Variants in NSMCE2 observed in about 807,000 individuals in gnomAD.
NSMCE2 encodes NSE2 SUMO ligase component of SMC5/6 complex.
Under a neutral mutation model 23.8 loss-of-function variants are expected in NSMCE2, and 24 were observed. The ratio of observed to expected loss-of-function variants is 1.01; its 90% CI spans 0.73 to 1.42. The LOEUF (loss-of-function observed/expected upper bound fraction) is 1.42, where lower values mean the gene tolerates loss of function less well. NSMCE2 is among the 40% of genes most tolerant of loss of function. The pLI is 0.00. For synonymous variants in NSMCE2, 92 were observed against 94.1 expected (o/e 0.98, Z 0.13); for missense variants, 284 against 296.5 (o/e 0.96, Z 0.31).
intron 5 of NSMCE2, among the ~76,000 whole-genome samples, chr8:125,334,312 G>A (rs1044648766): frequency 2.0e-5 from 3 of 152,154 alleles, no homozygotes; most frequent in Admixed American, 2.0e-4. Context: ...GTAGCACAGC[G>A]CTCCAGGCTG....
intron 3 of NSMCE2, among the ~76,000 whole-genome samples, chr8:125,125,157 A>G (rs964854422): frequency 1.3e-5 from 2 of 151,588 alleles, no homozygotes; most frequent in Admixed American, 6.6e-5. Flanking sequence ...TCCAATCTGG[A>G]TGCCCTTTAT....
chr8:125,116,474 G>C (rs1406428771), intron 3 of NSMCE2, among the ~76,000 whole-genome samples: 1 of 152,072 alleles, frequency 6.6e-6, no homozygotes, highest in Non-Finnish European at 1.5e-5. Context: ...ACTTATTTCT[G>C]TGTATAGGGA....
intron 5 of NSMCE2, among the ~76,000 whole-genome samples, chr8:125,261,663 T>C (rs1378147479): frequency 6.6e-6 from 1 of 151,370 alleles, no homozygotes; most frequent in African/African-American, 2.4e-5. Flanking sequence ...TAAGATTTCA[T>C]AACCAAGGGA....
At chr8:125,201,913 C>T (rs1215296006) in intron 5 of NSMCE2, among the ~76,000 whole-genome samples, 2 of 152,186 alleles carry the variant, frequency 1.3e-5, no homozygotes, top group Non-Finnish European at 2.9e-5. Context: ...GACACCCCAC[C>T]GTCCCCCACC....
At chr8:125,153,056 CAAA>C (rs768246218) in intron 4 of NSMCE2, among the ~76,000 whole-genome samples, 2 of 47,454 alleles carry the variant, frequency 4.2e-5, no homozygotes, top group Non-Finnish European at 4.9e-5. Context: ...GACTCCGTCT[CAAA>C]AAAAAAAAAA....
intron 5 of NSMCE2, among the ~76,000 whole-genome samples, chr8:125,252,956 T>C (rs921374190): frequency 1.3e-5 from 2 of 152,238 alleles, no homozygotes; most frequent in Non-Finnish European, 2.9e-5. Context: ...TTCTTACCTA[T>C]AGAACACAGA....
At chr8:125,278,184 G>A (rs146116767) in intron 5 of NSMCE2, among the ~76,000 whole-genome samples, 104 of 152,180 alleles carry the variant, frequency 6.8e-4, no homozygotes, top group Middle Eastern at 3.4e-3. Context: ...TTATTATTTT[G>A]TTTTGTTTTC....
intron 5 of NSMCE2, among the ~76,000 whole-genome samples, chr8:125,214,485 G>A (rs1481567029): frequency 6.6e-6 from 1 of 152,144 alleles, no homozygotes; most frequent in Non-Finnish European, 1.5e-5. Flanking sequence ...TCACTGGCGG[G>A]GTCAGTACAG....
intron 5 of NSMCE2, among the ~76,000 whole-genome samples, chr8:125,334,133 G>T (rs967717859): frequency 3.6e-4 from 55 of 152,252 alleles, no homozygotes; most frequent in Non-Finnish European, 6.8e-4. Context: ...TAGTTAAAGG[G>T]TGTTCAGTTC....
intron 5 of NSMCE2, among the ~76,000 whole-genome samples, chr8:125,223,611 C>G (rs1258240442): frequency 2.0e-5 from 3 of 152,130 alleles, no homozygotes; most frequent in African/African-American, 7.2e-5. Context: ...CCAGGGTTGC[C>G]TTTTCTCCAC....
At chr8:125,342,723 G>A (rs1230820711) in intron 5 of NSMCE2, among the ~76,000 whole-genome samples, 3 of 151,056 alleles carry the variant, frequency 2.0e-5, no homozygotes, top group Non-Finnish European at 2.9e-5. Context: ...TTTCTGTTAG[G>A]CTAACTTCAG....
intron 4 of NSMCE2, among the ~76,000 whole-genome samples, chr8:125,171,346 T>C (rs2130767983): frequency 1.3e-5 from 2 of 152,326 alleles, no homozygotes; most frequent in Middle Eastern, 6.8e-3. Flanking sequence ...AAGTAAATAG[T>C]TGAAGTCTAG....
chr8:125,338,634 A>G (rs887715927), intron 5 of NSMCE2, among the ~76,000 whole-genome samples: 2 of 152,250 alleles, frequency 1.3e-5, no homozygotes, highest in Admixed American at 1.3e-4. Context: ...AATTACAGCT[A>G]ACATCATGCA....
chr8:125,233,103 C>T (rs934057121), intron 5 of NSMCE2, among the ~76,000 whole-genome samples: 1 of 152,172 alleles, frequency 6.6e-6, no homozygotes, highest in African/African-American at 2.4e-5. Context: ...CACTTTGAAG[C>T]TTGCCCAGTT....
At chr8:125,171,527 G>T (rs944433147) in intron 4 of NSMCE2, among the ~76,000 whole-genome samples, 1 of 152,104 alleles carries the variant, frequency 6.6e-6, no homozygotes, top group Non-Finnish European at 1.5e-5. Context: ...TTTGTTTGGG[G>T]GAGGGTTAAA....
intron 4 of NSMCE2, among the ~76,000 whole-genome samples, chr8:125,157,155 T>C (rs1470518427): frequency 1.3e-5 from 2 of 152,170 alleles, no homozygotes; most frequent in African/African-American, 4.8e-5. Flanking sequence ...GTTCGGTGGC[T>C]ATAAAATTTG....
At chr8:125,235,207 C>G (rs1825492324) in intron 5 of NSMCE2, among the ~76,000 whole-genome samples, 1 of 151,094 alleles carries the variant, frequency 6.6e-6, no homozygotes, top group South Asian at 2.1e-4. Flanking sequence ...TGCCACTGCA[C>G]TCCAGCCTGA....
At chr8:125,214,006 G>A (rs903434864) in intron 5 of NSMCE2, among the ~76,000 whole-genome samples, 1 of 152,168 alleles carries the variant, frequency 6.6e-6, no homozygotes, top group East Asian at 1.9e-4. Flanking sequence ...CAGGAAATTA[G>A]AAGGTAGAAT....
chr8:125,335,606 C>T (rs1830044131), intron 5 of NSMCE2, among the ~76,000 whole-genome samples: 1 of 152,128 alleles, frequency 6.6e-6, no homozygotes, highest in South Asian at 2.1e-4. Flanking sequence ...GGGTGATACT[C>T]CATGCAGTGA....
Sources: allele counts gnomAD v4.1 joint callset (sites outside exome capture counted in the v4.1 genomes callset), GRCh38; gene constraint gnomAD v4.1.1; transcripts MANE v1.5; gene names NCBI Gene and HGNC (gene_info 2026-07-23, HGNC 2026-07-21).